RXRA: variants seen among roughly 807,000 people sequenced by gnomAD.
The protein encoded by RXRA is retinoid X receptor alpha.
A neutral mutation model predicts 44.5 loss-of-function variants in RXRA; 5 were observed. The ratio of observed to expected loss-of-function variants is 0.11; its 90% CI spans 0.06 to 0.24. The LOEUF is 0.24. RXRA is among the 10% of genes least tolerant of loss of function. RXRA has a pLI of 1.00. For synonymous variants in RXRA, 291 were observed against 271.4 expected, an observed-to-expected ratio of 1.07 and a Z score of -0.71; for missense variants, 412 against 646.5, an observed-to-expected ratio of 0.64 and a Z score of 3.93.
chr9:134,326,702 G>GGGGCCGT lies in RXRA; in HGVS notation c.28+49_28+50insTGGGCCG, dbSNP rs1834917544. 4.9e-6 allele frequency: 3 copies of GGGGCCGT among 616,504 alleles called. No individual in the cohort carries two copies. The Admixed American group carries it at 2.0e-4, about 41-fold the overall frequency. The allele number at this position is 616,504 out of a possible 1,614,324, so 38.2% of individuals were successfully genotyped here. A position where few individuals can be genotyped will look rare whatever the true frequency, so the allele number is the denominator to read the frequency against. On this transcript the variant is annotated intron_variant, in intron 1 of 9. Coordinates refer to ENST00000481739, the MANE Select transcript of RXRA (RefSeq NM_002957.6). ...CGGGCGGGGACGGGGCCGGGGGCCG[G>GGGGCCGT]GGGCCGGCGGGCGGGAGGGGGCCGG...
At position 134,395,499 on chromosome 9, in the gene RXRA, G is replaced by A. The variant is rs147718951; in HGVS notation, c.29-6133G>A. ...GCAGTCCTTAGGGCCACTTCCTGGG[G>A]GTTTTGTGAGCAGTTGCGGGCTGCA... On this transcript the variant is annotated intron_variant, in intron 1 of 9. Transcript: ENST00000481739. Among the ~76,000 whole-genome samples, 330 of 152,332 alleles carry A rather than the reference G, an allele frequency of 2.2e-3. 1 individual carries two copies. The highest frequency in any genetic ancestry group is 0.01 in the Middle Eastern group (3 of 294).
rs778714778 is a variant in RXRA, at chr9:134,429,252, C to T, written c.1043+12C>T. ...GCCATCTTTGACAGGTGGGGGTGGT[C>T]CCGGGAGGGGCGAGGGCGCTTCGGT... is the stretch of plus-strand genomic sequence containing the variant. On this transcript the variant is annotated intron_variant, in intron 7 of 9. Transcript: ENST00000481739. The T allele has an allele frequency of 2.5e-6, 4 of 1,609,408 alleles. No homozygotes were observed. Among genetic ancestry groups the T allele is most frequent in the Non-Finnish European group, 3.4e-6 (4 of 1,178,172 alleles).
chr9:134,409,295 A>C (rs576914776), intron 4 of RXRA, among the ~76,000 whole-genome samples, 176 bp downstream of exon 4: 2 of 152,126 alleles, frequency 1.3e-5, no homozygotes, highest in East Asian at 1.9e-4. Context: ...TGCGGCCCAG[A>C]GCGTGGGCAC....
chr9:134,333,018 G>A (rs782423722), intron 1 of RXRA, among the ~76,000 whole-genome samples: 7 of 152,106 alleles, frequency 4.6e-5, no homozygotes, highest in Non-Finnish European at 7.4e-5. Flanking sequence ...CCCTGGCTCC[G>A]GCCCCCCCTG....
At chr9:134,370,879 C>T (rs560830107) in intron 1 of RXRA, among the ~76,000 whole-genome samples, 1 of 152,324 alleles carries the variant, frequency 6.6e-6, no homozygotes, top group Non-Finnish European at 1.5e-5. Flanking sequence ...GTGGCTGGCC[C>T]GGCGGGTGGC....
At position 134,343,469 on chromosome 9, in the gene RXRA, C is replaced by G. The variant is rs575099528; in HGVS notation, c.28+16810C>G. ...GGGCGCTCAGTGTAGGGCAAAGGAA[C>G]GTGAGGAGGGCATGAGTGTTGTATC... On this transcript the variant is annotated intron_variant, in intron 1 of 9. Transcript: ENST00000481739. This position sits in a 1 kb window ranked among gnomAD's most constrained non-coding sequence, Gnocchi z 4.1. Among the ~76,000 whole-genome samples the G allele has an allele frequency of 6.6e-6, 1 of 152,016 alleles. No homozygotes were observed. Among genetic ancestry groups the G allele is most frequent in the Non-Finnish European group, 1.5e-5 (1 of 67,996 alleles).
At chr9:134,436,114 G>C (rs780898909) in intron 9 of RXRA, among the ~76,000 whole-genome samples, 1 of 152,242 alleles carries the variant, frequency 6.6e-6, no homozygotes, top group Non-Finnish European at 1.5e-5. Flanking sequence ...TCAAAGTGCT[G>C]AGATTACAAG....
chr9:134,414,746 G>A lies in RXRA; in HGVS notation c.611-2412G>A, dbSNP rs1245433688. ...TCTGCCCTTGCTGCCCATCCTTAGG[G>A]TCTCAGGGACCTGGGCCAGTGGAGG... On this transcript the variant is annotated intron_variant, in intron 4 of 9. Coordinates refer to ENST00000481739, the MANE Select transcript of RXRA (RefSeq NM_002957.6). 3.9e-5 allele frequency among the ~76,000 whole-genome samples: 6 copies of A among 152,226 alleles called. 1 individual carries two copies. In the South Asian group the frequency reaches 8.3e-4, roughly 21 times the overall value.
rs139513473 is a variant in RXRA, at chr9:134,335,441, A to G, written c.28+8782A>G. 9.0e-3 allele frequency among the ~76,000 whole-genome samples: 1,368 copies of G among 152,198 alleles called. 8 individuals carry two copies. The highest frequency in any genetic ancestry group is 0.015 in the Non-Finnish European group (1,010 of 67,998). On this transcript the variant is annotated intron_variant, in intron 1 of 9. Coordinates refer to ENST00000481739, the MANE Select transcript of RXRA (RefSeq NM_002957.6). ...GAATGGATGGATTCTTTCCAGGGGG[A>G]TCTGGTTCTAGCCAAGGGTATGGGG...
At chr9:134,332,900 A>AG (rs1554746844) in intron 1 of RXRA, among the ~76,000 whole-genome samples, 1 of 151,718 alleles carries the variant, frequency 6.6e-6, no homozygotes, top group African/African-American at 2.4e-5. Context: ...CAGCCTGGGA[A>AG]GGGGGGAGGA....
chr9:134,410,278 T>C (rs1423122576), intron 4 of RXRA, among the ~76,000 whole-genome samples: 1 of 152,210 alleles, frequency 6.6e-6, no homozygotes, highest in Non-Finnish European at 1.5e-5. Flanking sequence ...GTGCTGCCAG[T>C]CAGGCCTTTC....
At chr9:134,430,908 C>G (rs991280232) in intron 7 of RXRA, among the ~76,000 whole-genome samples, 5 of 152,234 alleles carry the variant, frequency 3.3e-5, no homozygotes, top group African/African-American at 9.6e-5. Context: ...TGGCCCAGGT[C>G]TTTTCCATGC....
intron 4 of RXRA, among the ~76,000 whole-genome samples, chr9:134,411,550 G>A (rs1831148974): frequency 1.3e-5 from 2 of 152,228 alleles, no homozygotes; most frequent in South Asian, 2.1e-4. Flanking sequence ...ATTTCTTGCC[G>A]GTCCTTCCTG....
At position 134,426,495 on chromosome 9, in the gene RXRA, C is replaced by T. The variant is rs1006306520; in HGVS notation, c.911-2613C>T. 2.8e-5 allele frequency: 28 copies of T among 985,426 alleles called. No homozygotes were observed. The African/African-American group carries it at 4.0e-4, about 14-fold the overall frequency. The allele number at this position is 985,426 out of a possible 1,614,324, so 61.0% of individuals were successfully genotyped here. On this transcript the variant is annotated intron_variant, in intron 6 of 9. Coordinates refer to ENST00000481739, the MANE Select transcript of RXRA (RefSeq NM_002957.6). The surrounding 1 kb of genome is among the most constrained non-coding windows in gnomAD (Gnocchi z 4.6). ...GACAGGGGAGCTGAGATGCAGCCGG[C>T]GTGCCGGAGGGTGCAGAGAGAGACT...
At chr9:134,346,058 G>A (rs1385389134) in intron 1 of RXRA, among the ~76,000 whole-genome samples, 1 of 152,196 alleles carries the variant, frequency 6.6e-6, no homozygotes, top group African/African-American at 2.4e-5. Context: ...CTGGGGGGTG[G>A]GGTCCAGGCG....
intron 1 of RXRA, among the ~76,000 whole-genome samples, chr9:134,330,991 C>G (rs782746986): frequency 6.6e-6 from 1 of 152,156 alleles, no homozygotes; most frequent in Non-Finnish European, 1.5e-5. Context: ...GTTTCCAGCA[C>G]TGGACCAGAA....
intron 1 of RXRA, among the ~76,000 whole-genome samples, chr9:134,384,463 G>A (rs1298407082): frequency 2.0e-5 from 3 of 152,228 alleles, no homozygotes; most frequent in African/African-American, 4.8e-5. Context: ...AGCAAGCTAG[G>A]GACAGCCCGA....
chr9:134,329,823 CTT>C (rs143977637), intron 1 of RXRA, among the ~76,000 whole-genome samples: 5,657 of 152,244 alleles, frequency 0.037, 338 homozygotes, highest in African/African-American at 0.13. Context: ...TGTCAGTGGT[CTT>C]TGTTTCCTCC....
At chr9:134,380,415 G>T (rs980733494) in intron 1 of RXRA, among the ~76,000 whole-genome samples, 17 of 152,204 alleles carry the variant, frequency 1.1e-4, no homozygotes, top group Non-Finnish European at 2.1e-4. Flanking sequence ...TCGGATAGGG[G>T]CTGGGGTGGC....
Sources: allele counts gnomAD v4.1 joint callset (sites outside exome capture counted in the v4.1 genomes callset), GRCh38; gene constraint gnomAD v4.1.1; non-coding constraint Gnocchi (gnomAD v3.1); transcripts MANE v1.5; gene names NCBI Gene and HGNC (gene_info 2026-07-23, HGNC 2026-07-21).